SCGN: variants seen among roughly 807,000 people sequenced by gnomAD.
The protein encoded by SCGN is secretagogin.
SCGN carries 30 observed loss-of-function variants against 39.7 expected under a neutral mutation model. The observed-to-expected ratio is 0.76, with a 90% CI of 0.57 to 1.03. The LOEUF (loss-of-function observed/expected upper bound fraction) is 1.03. SCGN is among the 50% of genes least tolerant of loss of function. The pLI is 0.00. For synonymous variants in SCGN, 106 were observed against 114.1 expected, an observed-to-expected ratio of 0.93 and a Z score of 0.45; for missense variants, 353 against 349.4, an observed-to-expected ratio of 1.01 and a Z score of -0.08.
intron 4 of SCGN, among the ~76,000 whole-genome samples, chr6:25,667,407 T>TCCC (rs1424876086): frequency 1.3e-5 from 2 of 152,334 alleles, no homozygotes; most frequent in East Asian, 3.9e-4. Context: ...CTGTCTTATA[T>TCCC]CCCATTACAG....
At position 25,701,415 on chromosome 6, in the gene SCGN, G is replaced by C; in HGVS notation, c.*80G>C. 6 of 1,528,648 alleles carry C rather than the reference G, an allele frequency of 3.9e-6. No homozygotes were observed. The highest frequency in any genetic ancestry group is 5.3e-6 in the Non-Finnish European group (6 of 1,130,214). 94.7% of individuals were successfully genotyped at this position (1,528,648 alleles called of 1,614,324 possible). On this transcript the variant is annotated 3_prime_UTR_variant, in exon 11 of 11. Transcript: ENST00000377961. Reference sequence around the variant, plus strand: ...AATTGTATCTGTGCATTGATGTTGGGAACACAGTGGGCAAACTCACAAATG... The same window carrying C: ...AATTGTATCTGTGCATTGATGTTGGCAACACAGTGGGCAAACTCACAAATG...
chr6:25,697,618 G>C (rs1417669219), intron 10 of SCGN, among the ~76,000 whole-genome samples: 1 of 152,212 alleles, frequency 6.6e-6, no homozygotes, highest in Non-Finnish European at 1.5e-5. Flanking sequence ...GGCTGCATTT[G>C]AGGATAGTCA....
chr6:25,685,190 G>A (rs951261549), intron 7 of SCGN, among the ~76,000 whole-genome samples: 3 of 152,230 alleles, frequency 2.0e-5, no homozygotes, highest in African/African-American at 7.2e-5. Flanking sequence ...CAGTGAGATC[G>A]ATTTCAGACT....
chr6:25,669,929 A>G (rs1244656229), intron 5 of SCGN, 70 bp from the exon 6 acceptor site: 1 of 1,186,836 alleles, frequency 8.4e-7, no homozygotes, highest in African/African-American at 1.5e-5. Context: ...TTCTTGAAAT[A>G]AGGCCTTTTA....
chr6:25,698,790 C>G (rs1759869442), intron 10 of SCGN, among the ~76,000 whole-genome samples: 1 of 152,152 alleles, frequency 6.6e-6, no homozygotes, highest in Non-Finnish European at 1.5e-5. Context: ...TCTTCTGGTC[C>G]CAGACTTTCA....
At chr6:25,655,558 T>C (rs1760212764) in intron 2 of SCGN, among the ~76,000 whole-genome samples, 8 of 152,230 alleles carry the variant, frequency 5.3e-5, no homozygotes, top group Admixed American at 5.2e-4. Context: ...ACTGGTGTCC[T>C]GCGCAACTGC....
At chr6:25,686,092 T>C (rs1413312216) in intron 7 of SCGN, among the ~76,000 whole-genome samples, 4 of 152,200 alleles carry the variant, frequency 2.6e-5, no homozygotes, top group Non-Finnish European at 4.4e-5. Context: ...TGAATAATAG[T>C]CCCTTGTATG....
At chr6:25,668,231 A>C (rs962007955) in intron 4 of SCGN, among the ~76,000 whole-genome samples, 6 of 148,612 alleles carry the variant, frequency 4.0e-5, no homozygotes, top group Non-Finnish European at 7.5e-5. Context: ...AAAAAAAAAA[A>C]CTTACTGTAA....
At chr6:25,674,840 AGG>A (rs1759544813) in intron 6 of SCGN, among the ~76,000 whole-genome samples, 1 of 152,252 alleles carries the variant, frequency 6.6e-6, no homozygotes, top group Non-Finnish European at 1.5e-5. Context: ...CTGAATTTAG[AGG>A]TGCTGCCAAC....
intron 4 of SCGN, among the ~76,000 whole-genome samples, chr6:25,665,343 GGA>G (rs1344334245): frequency 4.6e-5 from 7 of 152,124 alleles, no homozygotes; most frequent in African/African-American, 1.7e-4. Context: ...TATGGAAATT[GGA>G]GAGCATGTGC....
At chr6:25,696,595 C>A (rs550529785) in intron 10 of SCGN, among the ~76,000 whole-genome samples, 1 of 152,088 alleles carries the variant, frequency 6.6e-6, no homozygotes, top group African/African-American at 2.4e-5. Flanking sequence ...GGCCTTGTCC[C>A]GGGAATAAAA....
intron 9 of SCGN, among the ~76,000 whole-genome samples, chr6:25,689,876 TA>T (rs1352255381): frequency 6.6e-6 from 1 of 151,818 alleles, no homozygotes; most frequent in African/African-American, 2.4e-5. Context: ...CCCAAAGAAA[TA>T]GAGGAAAAGT....
chr6:25,677,925 G>A (rs1156425441), intron 6 of SCGN, among the ~76,000 whole-genome samples: 2 of 152,284 alleles, frequency 1.3e-5, no homozygotes, highest in Middle Eastern at 3.4e-3. Context: ...TTGACAGGAA[G>A]TTACCCAGTA....
chr6:25,668,569 G>A (rs1361543395), intron 4 of SCGN, among the ~76,000 whole-genome samples: 1 of 152,152 alleles, frequency 6.6e-6, no homozygotes, highest in African/African-American at 2.4e-5. Flanking sequence ...TCAGATTTTA[G>A]TTTTGAAGTT....
At chr6:25,670,218 T>C (rs1433398927) in intron 6 of SCGN, 142 bp downstream of exon 6, 2 of 679,282 alleles carry the variant, frequency 2.9e-6, no homozygotes, top group Non-Finnish European at 5.3e-6. Flanking sequence ...CTCTGAAAAA[T>C]ACTGGCTAAA....
At chr6:25,670,645 G>C (rs1364986371) in intron 6 of SCGN, among the ~76,000 whole-genome samples, 1 of 152,318 alleles carries the variant, frequency 6.6e-6, no homozygotes, top group East Asian at 1.9e-4. Flanking sequence ...TGCATATGAA[G>C]CACTTGCATA....
At chr6:25,653,842 T>A (rs1391898130) in intron 2 of SCGN, among the ~76,000 whole-genome samples, 3 of 152,242 alleles carry the variant, frequency 2.0e-5, no homozygotes, top group Non-Finnish European at 4.4e-5. Context: ...GTTTAATATG[T>A]ATGATACTCC....
At chr6:25,653,626 G>A (rs1368782728) in intron 2 of SCGN, among the ~76,000 whole-genome samples, 174 bp downstream of exon 2, 2 of 152,138 alleles carry the variant, frequency 1.3e-5, no homozygotes, top group Non-Finnish European at 2.9e-5. Flanking sequence ...TTTATAAAAG[G>A]TGCAACTGTA....
rs76286015 is a variant in SCGN, at chr6:25,686,865, T to C, written c.528-2307T>C. 4.4e-3 allele frequency among the ~76,000 whole-genome samples: 672 copies of C among 152,228 alleles called. 4 individuals carry two copies. The highest frequency in any genetic ancestry group is 0.015 in the African/African-American group (617 of 41,578). On this transcript the variant is annotated intron_variant, in intron 7 of 10. Transcript: ENST00000377961. ...TTTATGTAAATCCTTTTCATGTTAA[T>C]TGTTTAATACAGTGTAAGGTGGGGG...
Sources: gnomAD v4.1 joint callset for allele counts (sites outside exome capture counted in the v4.1 genomes callset) on GRCh38, gnomAD v4.1.1 for gene constraint, MANE v1.5 for transcripts, NCBI Gene and HGNC (gene_info 2026-07-23, HGNC 2026-07-21) for gene names.